WDPCP: variants seen among roughly 807,000 people sequenced by gnomAD.
WDPCP encodes WD repeat-containing and planar cell polarity effector protein fritz homolog.
WDPCP carries 71 observed loss-of-function variants against 93.1 expected under a neutral mutation model. The ratio of observed to expected loss-of-function variants is 0.76; its 90% CI spans 0.63 to 0.93. The LOEUF is 0.93. WDPCP is among the 40% of genes least tolerant of loss of function. The probability of loss-of-function intolerance (pLI) is 0.00; values close to 1 mark genes in which losing one functional copy is unlikely to be tolerated. For synonymous variants in WDPCP, 315 were observed against 315.0 expected, an observed-to-expected ratio of 1.00 and a Z score of 0.00; for missense variants, 844 against 887.4, an observed-to-expected ratio of 0.95 and a Z score of 0.62.
intron 1 of WDPCP, among the ~76,000 whole-genome samples, chr2:63,520,238 TAA>T (rs1438243131): frequency 1.3e-5 from 2 of 152,054 alleles, no homozygotes; most frequent in African/African-American, 2.4e-5. Context: ...TGGGATTATA[TAA>T]AGAGACCAAA....
chr2:63,688,912 A>T (rs905321861), intron 2 of WDPCP, among the ~76,000 whole-genome samples: 4 of 152,120 alleles, frequency 2.6e-5, no homozygotes, highest in Non-Finnish European at 5.9e-5. Context: ...GTGGGAGTGG[A>T]TCAGCTATCT....
intron 17 of WDPCP, among the ~76,000 whole-genome samples, chr2:63,135,048 A>G (rs1670525312): frequency 6.6e-6 from 1 of 152,122 alleles, no homozygotes; most frequent in South Asian, 2.1e-4. Context: ...ACTTAAAGCC[A>G]TGAGGTAGAA....
chr2:63,334,355 A>G (rs975440450), intron 12 of WDPCP, among the ~76,000 whole-genome samples: 5 of 152,208 alleles, frequency 3.3e-5, no homozygotes, highest in African/African-American at 1.2e-4. Flanking sequence ...CAAGGTGGTC[A>G]GAGCACAGTT....
intron 9 of WDPCP, among the ~76,000 whole-genome samples, chr2:63,417,474 A>G (rs1695521542): frequency 6.6e-6 from 1 of 151,914 alleles, no homozygotes; most frequent in African/African-American, 2.4e-5. Flanking sequence ...ATTTTTAAAG[A>G]TAACCAATAT....
chr2:63,589,013 G>A, upstream of WDPCP: 1 of 1,614,220 alleles, frequency 6.2e-7, no homozygotes, highest in South Asian at 1.1e-5. Context: ...TCATTTTGCA[G>A]TTGTTGAAAT....
At chr2:63,295,860 CA>C (rs1242262975) in intron 13 of WDPCP, among the ~76,000 whole-genome samples, 6 of 122,006 alleles carry the variant, frequency 4.9e-5, no homozygotes, top group Non-Finnish European at 1.0e-4. Flanking sequence ...GAGCTGGTAC[CA>C]AACTTAGTGA....
At chr2:63,640,069 C>T (rs1709964098) in intron 3 of WDPCP, among the ~76,000 whole-genome samples, 1 of 152,152 alleles carries the variant, frequency 6.6e-6, no homozygotes, top group African/African-American at 2.4e-5. Context: ...AGTGCAGTGG[C>T]GCGATCTCTG....
At chr2:63,254,033 T>C (rs1270580466) in intron 14 of WDPCP, among the ~76,000 whole-genome samples, 1 of 152,146 alleles carries the variant, frequency 6.6e-6, no homozygotes, top group Non-Finnish European at 1.5e-5. Flanking sequence ...ATATACACCA[T>C]GGAAAACTAT....
At chr2:63,251,742 C>T (rs1010698696) in intron 14 of WDPCP, among the ~76,000 whole-genome samples, 4 of 151,780 alleles carry the variant, frequency 2.6e-5, no homozygotes, top group Non-Finnish European at 4.4e-5. Context: ...CTGCCCACCT[C>T]GGCCTCCCAA....
intron 2 of WDPCP, among the ~76,000 whole-genome samples, chr2:63,735,289 G>C (rs188864662): frequency 3.9e-5 from 6 of 152,188 alleles, no homozygotes; most frequent in African/African-American, 1.4e-4. Context: ...TGGGCAGGCA[G>C]AGAAGGTGAT....
At chr2:63,553,604 A>G (rs761389796) in intron 1 of WDPCP, among the ~76,000 whole-genome samples, 1 of 152,140 alleles carries the variant, frequency 6.6e-6, no homozygotes, top group Non-Finnish European at 1.5e-5. Context: ...TAAATATTTA[A>G]GCTCACCTTT....
chr2:63,366,154 G>A (rs1006770339), intron 12 of WDPCP, among the ~76,000 whole-genome samples: 2 of 152,100 alleles, frequency 1.3e-5, no homozygotes, highest in Non-Finnish European at 2.9e-5. Context: ...GTGGGGTTCT[G>A]TTTAATTTTC....
intron 6 of WDPCP, among the ~76,000 whole-genome samples, chr2:63,464,624 G>A (rs1699227810): frequency 6.6e-6 from 1 of 151,848 alleles, no homozygotes; most frequent in African/African-American, 2.4e-5. Context: ...CTAAGAGGTG[G>A]AAGCAATCCA....
At chr2:63,596,325 T>C (rs1376440169) in intron 3 of WDPCP, among the ~76,000 whole-genome samples, 2 of 152,216 alleles carry the variant, frequency 1.3e-5, no homozygotes, top group Admixed American at 6.5e-5. Flanking sequence ...AAACATTTGC[T>C]AGAAGGGATA....
intron 2 of WDPCP, among the ~76,000 whole-genome samples, chr2:63,707,246 C>T (rs375056291): frequency 1.3e-5 from 2 of 152,140 alleles, no homozygotes; most frequent in East Asian, 1.9e-4. Context: ...CCATTCTCCC[C>T]GTTACTTTCA....
rs1374748295 is a variant in WDPCP, at chr2:63,433,765, A to G, written c.805T>C (p.Tyr269His). The stretch of plus-strand genomic sequence containing the variant: ...TTTACCTCTAGTCTTCCTTGAGCAT[A>G]ACCCAGGAGGAGTAGATTGGCTCTG... ...KDRANLLLLG[Y>H]AQGRLEVLSS... Residue 269 changes from tyrosine (Y) to histidine (H), a missense_variant, in exon 9 of 18, where the codon TAT becomes CAT. Physicochemically the swap from Tyr to His is moderately conservative, Grantham distance 83. Coordinates refer to ENST00000272321, the MANE Select transcript of WDPCP (RefSeq NM_015910.7). 1 of 1,613,188 alleles carries G rather than the reference A, an allele frequency of 6.2e-7. No individual in the cohort carries two copies. The highest frequency in any genetic ancestry group is 1.6e-4 in the Middle Eastern group (1 of 6,084).
chr2:63,315,066 A>G (rs1025022653), intron 12 of WDPCP, among the ~76,000 whole-genome samples: 2 of 152,224 alleles, frequency 1.3e-5, no homozygotes, highest in African/African-American at 4.8e-5. Flanking sequence ...TAGCTTGTTT[A>G]TAAAATACTT....
chr2:63,598,123 T>C (rs985756652), intron 3 of WDPCP: 1 of 152,128 alleles, frequency 6.6e-6, no homozygotes, highest in Non-Finnish European at 1.5e-5. Flanking sequence ...TTTTTTATTT[T>C]TTATTAATTT....
chr2:63,356,574 C>A lies in WDPCP; in HGVS notation c.1748+21812G>T, dbSNP rs185000963. Among the ~76,000 whole-genome samples, 170 of 152,314 alleles carry A rather than the reference C, an allele frequency of 1.1e-3. 3 individuals are homozygous for A. Among genetic ancestry groups the A allele is most frequent in the Middle Eastern group, 6.8e-3 (2 of 294 alleles). Reference sequence around the variant, plus strand: ...AAAAACTGAAAGCATACCAAACACACTCCTGGACCACAGCACAATAAAAAT... The same window carrying A: ...AAAAACTGAAAGCATACCAAACACAATCCTGGACCACAGCACAATAAAAAT... On this transcript the variant is annotated intron_variant, in intron 12 of 17. Coordinates refer to ENST00000272321, the MANE Select transcript of WDPCP (RefSeq NM_015910.7).
Sources: gnomAD v4.1 joint callset for allele counts (sites outside exome capture counted in the v4.1 genomes callset) on GRCh38, gnomAD v4.1.1 for gene constraint, MANE v1.5 for transcripts, NCBI Gene and HGNC (gene_info 2026-07-23, HGNC 2026-07-21) for gene names.